The following MLLT10 variants were observed in gnomAD, a reference collection of about 807,000 sequenced individuals.
The protein encoded by MLLT10 is MLLT10 histone lysine methyltransferase DOT1L cofactor.
MLLT10 carries 30 observed loss-of-function variants against 129.1 expected under a neutral mutation model. That is an observed-to-expected ratio of 0.23 (90% CI 0.17 to 0.32). The LOEUF is 0.32. Among genes scored for constraint, MLLT10 ranks in the 10% least tolerant of loss-of-function variants. The pLI is 1.00. For missense variants in MLLT10, 1,119 were observed against 1,268.3 expected, an observed-to-expected ratio of 0.88 and a Z score of 1.79; for synonymous variants, 490 against 446.4, an observed-to-expected ratio of 1.10 and a Z score of -1.23.
chr10:21,616,264 T>G (rs925497617), intron 7 of MLLT10, among the ~76,000 whole-genome samples: 3 of 152,138 alleles, frequency 2.0e-5, no homozygotes, highest in African/African-American at 7.2e-5. Flanking sequence ...AAAAATGGAT[T>G]TTGAAGTTTG....
intron 3 of MLLT10, among the ~76,000 whole-genome samples, chr10:21,545,937 G>A (rs1156562536): frequency 6.6e-6 from 1 of 152,092 alleles, no homozygotes; most frequent in Non-Finnish European, 1.5e-5. Flanking sequence ...AAAGTGTTGG[G>A]ATTTCAGGCG....
chr10:21,642,117 G>A (rs1235674157), intron 8 of MLLT10, among the ~76,000 whole-genome samples: 4 of 152,200 alleles, frequency 2.6e-5, no homozygotes, highest in Admixed American at 1.3e-4. Context: ...TTGGGAGGCC[G>A]AGGCGGGCAG....
rs372124982 is a variant in MLLT10 at position 21,735,227 on chromosome 10, C to T, written c.2947C>T (p.Leu983Phe). Residue 983 changes from leucine (L) to phenylalanine (F), a missense_variant, in exon 21 of 23, where the codon CTC becomes TTC. Leu to Phe is a conservative substitution (Grantham distance 22). This residue lies in a region of MLLT10 where 1,004 missense variants were observed against 1,008.7 expected (regional missense o/e 1.00). Coordinates refer to ENST00000307729, the MANE Select transcript of MLLT10 (RefSeq NM_001195626.3). ...TCAGCAGTTGTTAAATTCTCAACAG[C>T]TCACACCAGTAAGTTCTTTCTTTTG... ...QFQQLLNSQQ[L>F]TPEQHQAFLY... 6 of 1,610,888 alleles carry T rather than the reference C, an allele frequency of 3.7e-6. No individual in the cohort carries two copies. The highest frequency in any genetic ancestry group is 5.1e-6 in the Non-Finnish European group (6 of 1,177,422).
rs542958912 is a variant in MLLT10, at chr10:21,701,954, TACTC to T, written c.1700-11814_1700-11811del. Among the ~76,000 whole-genome samples, 465 of 151,842 alleles carry T rather than the reference TACTC, an allele frequency of 3.1e-3. 1 individual carries two copies. The highest frequency in any genetic ancestry group is 0.011 in the African/African-American group (447 of 41,352). On this transcript the variant is annotated intron_variant, in intron 13 of 22. Transcript: ENST00000307729. ...TCGTCTCTCTTTTTTTTGAGACAGA[TACTC>T]ACTGTATTGCCAGGTTGTAGTGCAG...
rs2038112578 is a variant in MLLT10, at chr10:21,557,005, T to C, written c.240+18093T>C. On this transcript the variant is annotated intron_variant, in intron 3 of 22. Coordinates refer to ENST00000307729, the MANE Select transcript of MLLT10 (RefSeq NM_001195626.3). ...GTCTTTTATATTTCTTACAGGGTTT[T>C]GTTTTACCAAGTACTAGTCTTCAGT... 3 of 1,477,352 alleles carry C rather than the reference T, an allele frequency of 2.0e-6. No individual in the cohort carries two copies. The South Asian group carries it at 4.3e-5, about 21-fold the overall frequency. 91.5% of individuals were successfully genotyped at this position (1,477,352 alleles called of 1,614,324 possible).
chr10:21,703,707 G>A (rs1353923056), intron 13 of MLLT10, among the ~76,000 whole-genome samples: 3 of 151,930 alleles, frequency 2.0e-5, no homozygotes, highest in Non-Finnish European at 4.4e-5. Context: ...ACTACCACCC[G>A]GCTAATTTTT....
chr10:21,560,759 T>G (rs1296879326), intron 3 of MLLT10, among the ~76,000 whole-genome samples: 2 of 152,190 alleles, frequency 1.3e-5, no homozygotes, highest in Non-Finnish European at 2.9e-5. Context: ...TATTTTCTGG[T>G]TTTTGATGAT....
intron 13 of MLLT10, among the ~76,000 whole-genome samples, chr10:21,683,947 G>T (rs1195943209): frequency 6.6e-6 from 1 of 151,798 alleles, no homozygotes; most frequent in Non-Finnish European, 1.5e-5. Context: ...TTATTGATTG[G>T]AATCTTTTAT....
chr10:21,660,443 C>CCG, intron 9 of MLLT10, among the ~76,000 whole-genome samples: 1 of 150,832 alleles, frequency 6.6e-6, no homozygotes, highest in Admixed American at 6.6e-5. Flanking sequence ...TGGAGAAACT[C>CCG]TTTCTGTACT....
chr10:21,687,201 A>G (rs1372168885), intron 13 of MLLT10, among the ~76,000 whole-genome samples: 2 of 152,212 alleles, frequency 1.3e-5, no homozygotes, highest in Admixed American at 6.5e-5. Context: ...GGATGAGTAT[A>G]CGTATAAATG....
At chr10:21,609,363 G>A (rs2044368624) in intron 5 of MLLT10, among the ~76,000 whole-genome samples, 1 of 152,212 alleles carries the variant, frequency 6.6e-6, no homozygotes, top group Admixed American at 6.5e-5. Context: ...GTATGAATGT[G>A]ATTTTACTTT....
chr10:21,647,930 C>T (rs2048658800), intron 8 of MLLT10, among the ~76,000 whole-genome samples: 1 of 151,582 alleles, frequency 6.6e-6, no homozygotes, highest in Non-Finnish European at 1.5e-5. Flanking sequence ...TCCTTAAAGT[C>T]AGATACTTTA....
At chr10:21,669,920 T>A (rs564456022) in intron 9 of MLLT10, among the ~76,000 whole-genome samples, 3 of 152,040 alleles carry the variant, frequency 2.0e-5, no homozygotes, top group African/African-American at 7.2e-5. Context: ...TTCAAATCTT[T>A]CTGTTTTTTT....
intron 9 of MLLT10, among the ~76,000 whole-genome samples, chr10:21,654,455 T>A (rs115982155): frequency 0.028 from 4,266 of 152,242 alleles, 199 homozygotes; most frequent in African/African-American, 0.096. Context: ...ATCCAGACGT[T>A]TTTTGGTAAA....
In MLLT10 at chr10:21,740,191, C is replaced by T. The variant is rs776397480; in HGVS notation, c.3117C>T (p.Asn1039=). 1.7e-5 allele frequency: 27 copies of T among 1,614,060 alleles called. No homozygotes were observed. The South Asian group carries it at 2.1e-4, about 12-fold the overall frequency. Residue 1039 remains asparagine (N), a synonymous_variant, in exon 22 of 23, where the codon AAC becomes AAT. Coordinates refer to ENST00000307729, the MANE Select transcript of MLLT10 (RefSeq NM_001195626.3). ...QAPPLHTATT[N]PFLTIHGDNA... ...CCCCACTTCACACAGCTACCACCAACCCATTTCTCACCATCCATGGAGATA... is the reference window on the plus strand; with the variant it reads ...CCCCACTTCACACAGCTACCACCAATCCATTTCTCACCATCCATGGAGATA...
intron 13 of MLLT10, among the ~76,000 whole-genome samples, chr10:21,706,925 T>G (rs188202620): frequency 6.6e-6 from 1 of 152,300 alleles, no homozygotes; most frequent in East Asian, 1.9e-4. Context: ...GCTCTCTTTC[T>G]TTGCTTCAGT....
chr10:21,579,256 T>C (rs1486833693), intron 3 of MLLT10, among the ~76,000 whole-genome samples: 1 of 152,250 alleles, frequency 6.6e-6, no homozygotes, highest in Non-Finnish European at 1.5e-5. Flanking sequence ...GCCCTCTGTG[T>C]AATGTGACAT....
chr10:21,642,666 A>G (rs948516704), intron 8 of MLLT10, among the ~76,000 whole-genome samples: 19 of 151,990 alleles, frequency 1.3e-4, no homozygotes, highest in Non-Finnish European at 1.6e-4. Flanking sequence ...CAAAAAAAAA[A>G]AAAAAAGAAA....
At position 21,626,538 on chromosome 10, in the gene MLLT10, G is replaced by C. The variant is rs571672758; in HGVS notation, c.699+9331G>C. On this transcript the variant is annotated intron_variant, in intron 8 of 22. Coordinates refer to ENST00000307729, the MANE Select transcript of MLLT10 (RefSeq NM_001195626.3). ...CATTAATACATTCATGAGGGTAGTA[G>C]TCCCGTAACCCAAACGCCTTTTAAT... Among the ~76,000 whole-genome samples, 8 of 152,252 alleles carry C rather than the reference G, an allele frequency of 5.3e-5. No homozygotes were observed. The South Asian group carries it at 1.7e-3, about 32-fold the overall frequency.
Sources: allele counts gnomAD v4.1 joint callset (sites outside exome capture counted in the v4.1 genomes callset), GRCh38; gene constraint gnomAD v4.1.1; regional missense constraint gnomAD v4.1.1; transcripts MANE v1.5; gene names NCBI Gene and HGNC (gene_info 2026-07-23, HGNC 2026-07-21).